TMEM63C: variants seen among roughly 807,000 people sequenced by gnomAD.
The protein encoded by TMEM63C is osmosensitive cation channel TMEM63C.
Under a neutral mutation model 99.2 loss-of-function variants are expected in TMEM63C, and 32 were observed. The observed-to-expected ratio is 0.32, with a 90% confidence interval of 0.24 to 0.43. The LOEUF is 0.43. TMEM63C is among the 20% of genes least tolerant of loss of function. TMEM63C has a pLI of 1.00. For missense variants in TMEM63C, 826 were observed against 1,053.0 expected, an observed-to-expected ratio of 0.78 and a Z score of 2.98; for synonymous variants, 376 against 397.9, an observed-to-expected ratio of 0.94 and a Z score of 0.66.
At chr14:77,237,539 C>G (rs1184772970) in intron 9 of TMEM63C, among the ~76,000 whole-genome samples, 2 of 152,212 alleles carry the variant, frequency 1.3e-5, no homozygotes, top group Non-Finnish European at 2.9e-5. Context: ...ACTCTGGGAG[C>G]TGGTGTAGAG....
chr14:77,248,792 G>A lies in TMEM63C; in HGVS notation c.1790G>A (p.Gly597Glu), dbSNP rs1183604566. ...RKNQAIDFQF[G>E]REYAWMMNVF... ...AACCAGGCCATAGACTTCCAGTTTG[G>A]GCGTGAGTATGCGTGGATGATGAAC... is the stretch of plus-strand genomic sequence containing the variant. The change falls in exon 20 of 24, where the codon GGG becomes GAG. Residue 597 changes from glycine to glutamate, a missense_variant. Coordinates refer to ENST00000298351, the MANE Select transcript of TMEM63C (RefSeq NM_020431.4). 6.2e-7 allele frequency: 1 copy of A among 1,613,936 alleles called. No individual in the cohort carries two copies. The highest frequency in any genetic ancestry group is 1.3e-5 in the African/African-American group (1 of 74,936).
At chr14:77,238,846 T>A (rs1019323522) in intron 10 of TMEM63C, 79 bp downstream of exon 10, 1 of 1,182,094 alleles carries the variant, frequency 8.5e-7, no homozygotes, top group African/African-American at 1.5e-5. Context: ...GGGTAGTGAG[T>A]TGGTGCAGGA....
intron 1 of TMEM63C, among the ~76,000 whole-genome samples, chr14:77,182,936 T>G (rs1330481269): frequency 6.6e-6 from 1 of 152,104 alleles, no homozygotes; most frequent in African/African-American, 2.4e-5. Flanking sequence ...GTGTTTTCCC[T>G]CAAGAAAGGG....
At chr14:77,205,345 T>C (rs915830719) in intron 1 of TMEM63C, among the ~76,000 whole-genome samples, 1 of 152,180 alleles carries the variant, frequency 6.6e-6, no homozygotes, top group African/African-American at 2.4e-5. Context: ...GTTCGGTTCA[T>C]CTGTGAGCCC....
At chr14:77,256,089 A>G (rs1427422701) in intron 23 of TMEM63C, among the ~76,000 whole-genome samples, 1 of 152,174 alleles carries the variant, frequency 6.6e-6, no homozygotes, top group Non-Finnish European at 1.5e-5. Flanking sequence ...TAGCAGTTCC[A>G]CATCTTGAGG....
chr14:77,194,380 G>A (rs1448652156), intron 1 of TMEM63C, among the ~76,000 whole-genome samples: 3 of 97,996 alleles, frequency 3.1e-5, no homozygotes, highest in Non-Finnish European at 4.8e-5. Context: ...GTGTGTGTGT[G>A]TGTATGTTCA....
intron 5 of TMEM63C, among the ~76,000 whole-genome samples, chr14:77,223,081 T>C (rs1157004849): frequency 2.0e-5 from 3 of 152,104 alleles, no homozygotes; most frequent in Admixed American, 6.5e-5. Context: ...ATCTGCCCTC[T>C]CCAAAGTGCA....
At position 77,246,616 on chromosome 14, in the gene TMEM63C, G is replaced by A; in HGVS notation, c.1543G>A (p.Val515Ile). 1.2e-6 allele frequency: 2 copies of A among 1,612,942 alleles called. No individual in the cohort carries two copies. Among genetic ancestry groups the A allele is most frequent in the Non-Finnish European group, 1.7e-6 (2 of 1,179,452 alleles). ...CCTTGTTTTTGCTTCTAGTTTGGAT[G>A]TCTTTCTCCGCTGGCTCTTTGACAT... ...LPSMGLTSLD[V>I]FLRWLFDIYY... Residue 515 changes from valine (V) to isoleucine (I), a missense_variant, in exon 18 of 24, where the codon GTC becomes ATC. By Grantham distance (29) the Val-to-Ile change is conservative. Transcript: ENST00000298351.
intron 7 of TMEM63C, 77 bp from the exon 8 acceptor site, chr14:77,233,375 G>T: frequency 2.7e-6 from 4 of 1,491,300 alleles, no homozygotes; most frequent in Non-Finnish European, 3.7e-6. Context: ...CCACGCATTT[G>T]TCCAGGAACC....
intron 1 of TMEM63C, among the ~76,000 whole-genome samples, chr14:77,210,593 C>A (rs1888479192): frequency 6.6e-6 from 1 of 152,120 alleles, no homozygotes; most frequent in Non-Finnish European, 1.5e-5. Context: ...CAATAGTAAC[C>A]AGCCCCCTAG....
chr14:77,184,475 C>T (rs535895488), intron 1 of TMEM63C, among the ~76,000 whole-genome samples: 25 of 152,210 alleles, frequency 1.6e-4, no homozygotes, highest in South Asian at 1.2e-3. Context: ...TGGGAAGAGG[C>T]GGGTGGAAGA....
In TMEM63C at chr14:77,244,315, G is replaced by A. The variant is rs557178134; in HGVS notation, c.1342-34G>A. ...AGGGGAAGAGGATGCTTGCATTGACGTCTCTCCTGCCGTCCTCCCCTCTCC... is the reference window on the plus strand; with the variant it reads ...AGGGGAAGAGGATGCTTGCATTGACATCTCTCCTGCCGTCCTCCCCTCTCC... On this transcript the variant is annotated intron_variant, in intron 15 of 23. Coordinates refer to ENST00000298351, the MANE Select transcript of TMEM63C (RefSeq NM_020431.4). The A allele has an allele frequency of 2.3e-5, 35 of 1,500,788 alleles. No individual in the cohort carries two copies. The South Asian group carries it at 2.4e-4, about 10-fold the overall frequency. The allele number at this position is 1,500,788 out of a possible 1,614,324, so 93.0% of individuals were successfully genotyped here. A position where few individuals can be genotyped will look rare whatever the true frequency, so the allele number is the denominator to read the frequency against.
In TMEM63C at chr14:77,240,588, G is replaced by C; in HGVS notation, c.1044G>C (p.Gln348His). The C allele has an allele frequency of 6.2e-7, 1 of 1,610,528 alleles. No individual in the cohort carries two copies. The highest frequency in any genetic ancestry group is 8.5e-7 in the Non-Finnish European group (1 of 1,179,850). ...TGGACCTGATCTTTGTCACCTTCCAGGACTCCAGGATGGCCAAGCGGTGAG... is the reference window on the plus strand; with the variant it reads ...TGGACCTGATCTTTGTCACCTTCCACGACTCCAGGATGGCCAAGCGGTGAG... Reference protein sequence around the residue: ...KRLDLIFVTFQDSRMAKRVRK... With the variant: ...KRLDLIFVTFHDSRMAKRVRK... Residue 348 changes from glutamine (Q) to histidine (H), a missense_variant, in exon 13 of 24, where the codon CAG becomes CAC. Transcript: ENST00000298351.
chr14:77,244,505 C>T, intron 16 of TMEM63C, 50 bp downstream of exon 16: 1 of 1,480,916 alleles, frequency 6.8e-7, no homozygotes, highest in Non-Finnish European at 9.4e-7. Flanking sequence ...CAGCCTCTTC[C>T]CCTGCCCTGG....
intron 1 of TMEM63C, among the ~76,000 whole-genome samples, chr14:77,197,196 C>A (rs1049553846): frequency 2.0e-5 from 3 of 152,236 alleles, no homozygotes; most frequent in African/African-American, 7.2e-5. Flanking sequence ...AAAGAAGATA[C>A]TATCCTGCAT....
chr14:77,238,776 G>A lies in TMEM63C; in HGVS notation c.725+9G>A. The A allele has an allele frequency of 6.2e-7, 1 of 1,612,562 alleles. No homozygotes were observed. On this transcript the variant is annotated intron_variant, in intron 10 of 23. Coordinates refer to ENST00000298351, the MANE Select transcript of TMEM63C (RefSeq NM_020431.4). Reference sequence around the variant, plus strand: ...ATCATTAAGCATTTTCAGTAAGTGGGTTGGGGTAGGCCAAGGCGTGGATTG... The same window carrying A: ...ATCATTAAGCATTTTCAGTAAGTGGATTGGGGTAGGCCAAGGCGTGGATTG...
chr14:77,204,389 C>T (rs561123526), intron 1 of TMEM63C, among the ~76,000 whole-genome samples: 2 of 152,312 alleles, frequency 1.3e-5, no homozygotes, highest in East Asian at 3.9e-4. Context: ...GAAATGCTCA[C>T]CAGCAGCTCC....
Position 77,225,351 on chromosome 14 carries a change from G to A in TMEM63C, c.313-73G>A, listed in dbSNP as rs527433654. 156 of 1,497,850 alleles carry A rather than the reference G, an allele frequency of 1.0e-4. No homozygotes were observed. In the South Asian group the frequency reaches 1.6e-3, roughly 15 times the overall value. The allele number at this position is 1,497,850 out of a possible 1,614,324, so 92.8% of individuals were successfully genotyped here. The stretch of plus-strand genomic sequence containing the variant: ...CGCGGCTGCCTCAGATGACCTGGCC[G>A]CCTGGGTTCCCAGAGCTGGGCAGGG... On this transcript the variant is annotated intron_variant, in intron 5 of 23. Coordinates refer to ENST00000298351, the MANE Select transcript of TMEM63C (RefSeq NM_020431.4).
chr14:77,215,624 G>GAAAAGAAAAGAAAAGAAAAGAAAAA (rs1888570361), intron 2 of TMEM63C, among the ~76,000 whole-genome samples: 1 of 140,848 alleles, frequency 7.1e-6, no homozygotes, highest in South Asian at 2.3e-4. Context: ...AAAAAGAAAA[G>GAAAAGAAAAGAAAAGAAAAGAAAAA]AAAAGAAAAA....
Sources: gnomAD v4.1 joint callset for allele counts (sites outside exome capture counted in the v4.1 genomes callset) on GRCh38, gnomAD v4.1.1 for gene constraint, MANE v1.5 for transcripts, NCBI Gene and HGNC (gene_info 2026-07-23, HGNC 2026-07-21) for gene names.